The following GPR108 variants were observed in gnomAD, a reference collection of about 807,000 sequenced individuals.
GPR108 encodes G protein-coupled receptor 108, also known as protein GPR108.
A neutral mutation model predicts 74.3 loss-of-function variants in GPR108; 60 were observed. The ratio of observed to expected loss-of-function variants is 0.81; its 90% confidence interval spans 0.66 to 1.00. The LOEUF (loss-of-function observed/expected upper bound fraction) is 1.00, where lower values mean the gene tolerates loss of function less well. GPR108 is among the 50% of genes least tolerant of loss of function. The pLI, the probability that GPR108 is intolerant of heterozygous loss-of-function variation, is 0.00. For missense variants in GPR108, 667 were observed against 703.3 expected (o/e 0.95, Z 0.58); for synonymous variants, 311 against 292.4 (o/e 1.06, Z -0.65).
chr19:6,737,426 C>A (rs758965427), intron 1 of GPR108, 31 bp downstream of exon 1: 2 of 1,576,054 alleles, frequency 1.3e-6, no homozygotes, highest in Non-Finnish European at 1.7e-6. Flanking sequence ...GTTGCGCCAC[C>A]GACCCCAGAC....
At chr19:6,731,855 G>A in intron 14 of GPR108, 36 bp downstream of exon 14, 1 of 1,608,924 alleles carries the variant, frequency 6.2e-7, no homozygotes, top group South Asian at 1.1e-5. Context: ...GAGGAATGGG[G>A]CCATGAGCAG....
chr19:6,737,142 C>T, intron 1 of GPR108: 1 of 409,800 alleles, frequency 2.4e-6, no homozygotes, highest in South Asian at 3.1e-5. Context: ...TCCAGGGTCT[C>T]TAGCGCCCCA....
chr19:6,737,038 T>A, intron 1 of GPR108: 1 of 408,308 alleles, frequency 2.4e-6, no homozygotes, highest in Non-Finnish European at 4.5e-6. Flanking sequence ...ACATTCCAGT[T>A]GAGCTCCCAG....
chr19:6,736,069 G>A (rs960275794), intron 2 of GPR108, 111 bp from the exon 3 acceptor site: 10 of 910,088 alleles, frequency 1.1e-5, no homozygotes, highest in African/African-American at 1.7e-5. Context: ...CACCTAACAT[G>A]TGCTAGATCC....
chr19:6,736,845 G>C, intron 1 of GPR108, 134 bp from the exon 2 acceptor site: 2 of 1,252,838 alleles, frequency 1.6e-6, no homozygotes, highest in East Asian at 2.5e-5. Flanking sequence ...GATGACAAGA[G>C]AAAGTTGAGA....
At chr19:6,734,091 G>T in intron 5 of GPR108, 37 bp from the exon 6 acceptor site, 1 of 1,614,142 alleles carries the variant, frequency 6.2e-7, no homozygotes, top group Non-Finnish European at 8.5e-7. Context: ...AGAGATGGAT[G>T]GATGGATAGA....
chr19:6,733,138 G>T, intron 9 of GPR108, 30 bp downstream of exon 9: 1 of 1,613,800 alleles, frequency 6.2e-7, no homozygotes, highest in Non-Finnish European at 8.5e-7. Context: ...GTGAAGGGAC[G>T]TGGGGGACCC....
intron 2 of GPR108, 89 bp from the exon 3 acceptor site, chr19:6,736,047 A>C: frequency 1.7e-6 from 2 of 1,154,358 alleles, no homozygotes; most frequent in Non-Finnish European, 2.5e-6. Context: ...ACCTAACCTC[A>C]CATTTACTGA....
At chr19:6,736,891 A>C (rs1228395112) in intron 1 of GPR108, 180 bp from the exon 2 acceptor site, 1 of 789,166 alleles carries the variant, frequency 1.3e-6, no homozygotes, top group Non-Finnish European at 2.0e-6. Flanking sequence ...GTGGTCCTGC[A>C]TTCTCCGACC....
intron 4 of GPR108, 25 bp from the exon 5 acceptor site, chr19:6,734,332 T>C: frequency 1.2e-6 from 2 of 1,608,014 alleles, no homozygotes; most frequent in Non-Finnish European, 8.5e-7. Flanking sequence ...GGGTGGGGCA[T>C]GAGGCTGGGG....
At chr19:6,731,573 A>T in intron 14 of GPR108, 51 bp from the exon 15 acceptor site, 1 of 28,236 alleles carries the variant, frequency 3.5e-5, no homozygotes, top group Non-Finnish European at 6.2e-5. Context: ...GGTGGGAGGG[A>T]GGGGAGGGGG....
intron 4 of GPR108, among the ~76,000 whole-genome samples, chr19:6,734,934 G>A (rs1410907462): frequency 6.6e-6 from 1 of 151,460 alleles, no homozygotes; most frequent in African/African-American, 2.4e-5. Flanking sequence ...AGGCTGGAGT[G>A]CAGCAGTGCA....
chr19:6,732,740 G>A, intron 10 of GPR108, 191 bp from the exon 11 acceptor site: 3 of 660,080 alleles, frequency 4.5e-6, no homozygotes, highest in Non-Finnish European at 2.7e-6. Context: ...CACAGCTGAA[G>A]GGGTGAATAG....
rs1265522470 is a variant in GPR108, at chr19:6,733,290, C to T, written c.735G>A (p.Arg245=). The T allele has an allele frequency of 6.2e-7, 1 of 1,613,512 alleles. No individual in the cohort carries two copies. Among genetic ancestry groups the T allele is most frequent in the Middle Eastern group, 1.7e-4 (1 of 6,060 alleles). Reference sequence around the variant, plus strand: ...ACAGGAAGCCATCGGGGTTCTTCTCCCGGATCATCACCTGCGGAGGGGGCA... The same window carrying T: ...ACAGGAAGCCATCGGGGTTCTTCTCTCGGATCATCACCTGCGGAGGGGGCA... ...EHPFDITVMI[R]EKNPDGFLSA... The change falls in exon 9 of 18, where the codon CGG becomes CGA. Residue 245 remains arginine, a synonymous_variant. Coordinates refer to ENST00000264080, the MANE Select transcript of GPR108 (RefSeq NM_001080452.2).
At chr19:6,735,090 C>A (rs1399246183) in intron 4 of GPR108, among the ~76,000 whole-genome samples, 1 of 152,106 alleles carries the variant, frequency 6.6e-6, no homozygotes, top group Non-Finnish European at 1.5e-5. Context: ...CAAGGTTTTG[C>A]CATGTTGCCC....
At chr19:6,732,742 G>A in intron 10 of GPR108, 193 bp from the exon 11 acceptor site, 1 of 659,864 alleles carries the variant, frequency 1.5e-6, no homozygotes, top group South Asian at 1.7e-5. Context: ...CAGCTGAAGG[G>A]GTGAATAGTT....
rs1486786236 is a variant in GPR108, at chr19:6,736,650, T to A, written c.182A>T (p.Glu61Val). 1 of 1,613,984 alleles carries A rather than the reference T, an allele frequency of 6.2e-7. No individual in the cohort carries two copies. The change falls in exon 2 of 18, where the codon GAG becomes GTG. Residue 61 changes from glutamate (E) to valine (V), a missense_variant. By Grantham distance (121) the Glu-to-Val change is moderately radical (BLOSUM62 -2). Transcript: ENST00000264080. ...SFGFYTNGSL[E>V]VELSVLRLGL... ...CAGCCGCAGGACGCTCAACTCCACC[T>A]CCAGAGAGCCATTGGTGTAGAAACC...
At position 6,730,287 on chromosome 19, in the gene GPR108, C is replaced by A; in HGVS notation, c.*25G>T. 6.2e-7 allele frequency: 1 copy of A among 1,605,338 alleles called. No individual in the cohort carries two copies. The highest frequency in any genetic ancestry group is 8.5e-7 in the Non-Finnish European group (1 of 1,172,066). Reference sequence around the variant, plus strand: ...GTGAGAAATGCTGGGGGAGGACGACCCTTTGGTCTGAGATGTGGAGGTGAT... The same window carrying A: ...GTGAGAAATGCTGGGGGAGGACGACACTTTGGTCTGAGATGTGGAGGTGAT... On this transcript the variant is annotated 3_prime_UTR_variant, in exon 18 of 18. Transcript: ENST00000264080.
chr19:6,731,618 G>C, intron 14 of GPR108, 96 bp from the exon 15 acceptor site: 1 of 1,060,694 alleles, frequency 9.4e-7, no homozygotes, highest in Non-Finnish European at 1.3e-6. Context: ...CAGAACATCT[G>C]AGGGAGTGTC....
Sources: gnomAD v4.1 joint callset for allele counts (sites outside exome capture counted in the v4.1 genomes callset) on GRCh38, gnomAD v4.1.1 for gene constraint, MANE v1.5 for transcripts, NCBI Gene and HGNC (gene_info 2026-07-23, HGNC 2026-07-21) for gene names.